Variants in PVRIG observed in about 807,000 individuals in gnomAD.
The protein encoded by PVRIG is PVR related immunoglobulin domain containing, also known as transmembrane protein PVRIG.
In PVRIG, 16 loss-of-function variants were observed where a neutral mutation model predicts 21.9. The ratio of observed to expected loss-of-function variants is 0.73; its 90% CI spans 0.50 to 1.11. PVRIG has a LOEUF of 1.11. Ranked by LOEUF, PVRIG falls within the 50% of genes most tolerant of loss-of-function variation. The pLI is 0.00. For missense variants in PVRIG, 435 were observed against 445.7 expected, an observed-to-expected ratio of 0.98 and a Z score of 0.22; for synonymous variants, 190 against 181.0, an observed-to-expected ratio of 1.05 and a Z score of -0.40.
Position 100,221,274 on chromosome 7 carries a change from C to T in PVRIG, c.*23C>T, listed in dbSNP as rs189224440. ...TGAGAGAGACCATGAGGCCACTGGG[C>T]TTTCCCCCTCCCAGGCCTCCTGGGT... On this transcript the variant is annotated 3_prime_UTR_variant, in exon 6 of 6. Transcript: ENST00000317271. 9 of 1,507,326 alleles carry T rather than the reference C, an allele frequency of 6.0e-6. No individual in the cohort carries two copies. The African/African-American group carries it at 1.1e-4, about 18-fold the overall frequency. The allele number at this position is 1,507,326 out of a possible 1,614,324, so 93.4% of individuals were successfully genotyped here. A position where few individuals can be genotyped will look rare whatever the true frequency, so the allele number is the denominator to read the frequency against.
exon 4 of PVRIG, chr7:100,220,637 T>G (rs760436553): frequency 1.9e-5 from 31 of 1,611,582 alleles, no homozygotes; most frequent in South Asian, 8.8e-5. Context: ...TTTGGCTGTG[T>G]CTACCTCCTT....
At chr7:100,219,437 G>C in intron 1 of PVRIG, 2 of 215,304 alleles carry the variant, frequency 9.3e-6, no homozygotes, top group South Asian at 1.2e-4. Flanking sequence ...TGAGTGGGTA[G>C]TGGGCGAGCC....
intron 1 of PVRIG, chr7:100,219,611 A>G (rs1803067604): frequency 2.0e-6 from 1 of 497,582 alleles, no homozygotes; most frequent in African/African-American, 2.0e-5. Context: ...GAGGGGCGGG[A>G]CAGAGCCCTT....
chr7:100,220,618 G>A (rs770488631), exon 4 of PVRIG: 15 of 1,611,712 alleles, frequency 9.3e-6, no homozygotes, highest in African/African-American at 1.3e-5. Flanking sequence ...GGTCTCAGGA[G>A]TCCTCCTCTT....
At chr7:100,221,425 C>CA in exon 6 of PVRIG, 1 of 496,912 alleles carries the variant, frequency 2.0e-6, no homozygotes, top group Middle Eastern at 3.5e-4. Flanking sequence ...GTGTGAGTGA[C>CA]AGTTACCCCA....
At chr7:100,220,168 TCAC>T in exon 3 of PVRIG, 1 of 1,599,294 alleles carries the variant, frequency 6.3e-7, no homozygotes, top group Non-Finnish European at 8.5e-7. Flanking sequence ...CTCTCGTCCT[TCAC>T]CATCCGTTGT....
chr7:100,221,136 A>C, exon 6 of PVRIG: 1 of 1,613,792 alleles, frequency 6.2e-7, no homozygotes, highest in Non-Finnish European at 8.5e-7. Flanking sequence ...GTCTCTGTTG[A>C]GAATGGACTC....
At chr7:100,221,312 C>T in exon 6 of PVRIG, 1 of 1,335,028 alleles carries the variant, frequency 7.5e-7, no homozygotes, top group East Asian at 2.4e-5. Context: ...CACCCCCTTA[C>T]TTTAATTCTT....
At chr7:100,220,907 G>T (rs368001513) in intron 5 of PVRIG, 21 bp from the exon 5 acceptor site, 2 of 1,580,820 alleles carry the variant, frequency 1.3e-6, no homozygotes, top group African/African-American at 2.7e-5. Context: ...AGACTCACTT[G>T]ACCCTCCTTC....
At chr7:100,221,148 A>T in exon 6 of PVRIG, 1 of 1,613,292 alleles carries the variant, frequency 6.2e-7, no homozygotes, top group Non-Finnish European at 8.5e-7. Flanking sequence ...AATGGACTCT[A>T]CGCTCAGGCA....
chr7:100,220,961 G>A lies in PVRIG; in HGVS notation c.691G>A (p.Val231Ile), dbSNP rs754623070. 2.6e-5 allele frequency: 41 copies of A among 1,586,356 alleles called. No individual in the cohort carries two copies. The highest frequency in any genetic ancestry group is 2.0e-4 in the East Asian group (9 of 44,508). ...CCAGGCCTCCCAGGCTGCTCTTCACGTCCCTTATGCCACTATCAACACCAG... is the reference window on the plus strand; with the variant it reads ...CCAGGCCTCCCAGGCTGCTCTTCACATCCCTTATGCCACTATCAACACCAG... Residue 231 changes from valine (V) to isoleucine (I), a missense_variant, in exon 6 of 6, where the codon GTC (valine) becomes ATC (isoleucine). Coordinates refer to ENST00000317271, the Ensembl canonical transcript of PVRIG.
chr7:100,221,041 G>A lies in PVRIG; in HGVS notation c.771G>A (p.Trp257Ter), dbSNP rs1441861208. 9 of 1,613,280 alleles carry A rather than the reference G, an allele frequency of 5.6e-6. No homozygotes were observed. Among genetic ancestry groups the A allele is most frequent in the Non-Finnish European group, 7.6e-6 (9 of 1,179,648 alleles). Residue 257 changes from tryptophan to a stop codon, truncating the protein, a stop_gained, in exon 6 of 6, where the codon TGG becomes TGA. Transcript: ENST00000317271. LOFTEE classifies it low-confidence loss of function (END_TRUNC). Reference sequence around the variant, plus strand: ...ACCCCCATGGGGGGCCGTCCTGGTGGGCGTCACTCCCCACCCACGCTGCAC... The same window carrying A: ...ACCCCCATGGGGGGCCGTCCTGGTGAGCGTCACTCCCCACCCACGCTGCAC...
intron 5 of PVRIG, 49 bp from the exon 5 acceptor site, chr7:100,220,879 G>A (rs1803195753): frequency 6.3e-7 from 1 of 1,598,088 alleles, no homozygotes; most frequent in Non-Finnish European, 8.5e-7. Context: ...GGGGGCCAGG[G>A]CTGGGCCCAA....
In PVRIG at chr7:100,221,040, G is replaced by A; in HGVS notation, c.770G>A (p.Trp257Ter). Residue 257 changes from tryptophan to a stop codon, truncating the protein, a stop_gained, in exon 6 of 6, where the codon TGG (tryptophan) becomes TAG (stop). Coordinates refer to ENST00000317271, the Ensembl canonical transcript of PVRIG. LOFTEE classifies it low-confidence loss of function (END_TRUNC). The stretch of plus-strand genomic sequence containing the variant: ...CACCCCCATGGGGGGCCGTCCTGGT[G>A]GGCGTCACTCCCCACCCACGCTGCA... 1 of 1,613,460 alleles carries A rather than the reference G, an allele frequency of 6.2e-7. No homozygotes were observed. The highest frequency in any genetic ancestry group is 8.5e-7 in the Non-Finnish European group (1 of 1,179,638).
intron 1 of PVRIG, chr7:100,219,512 A>G (rs1013207270): frequency 1.0e-5 from 3 of 299,470 alleles, no homozygotes; most frequent in Non-Finnish European, 1.9e-5. Context: ...TCAGATTGGT[A>G]GTGGGTCATG....
At chr7:100,219,544 T>C in intron 1 of PVRIG, 1 of 351,098 alleles carries the variant, frequency 2.8e-6, no homozygotes, top group Non-Finnish European at 5.3e-6. Context: ...GGCTCTCAGG[T>C]CCTCCCTGCT....
At position 100,221,161 on chromosome 7, in the gene PVRIG, G is replaced by C. The variant is rs775039427; in HGVS notation, c.891G>C (p.Gly297=). 2.5e-6 allele frequency: 4 copies of C among 1,612,884 alleles called. No individual in the cohort carries two copies. In the South Asian group the frequency reaches 4.4e-5, roughly 18 times the overall value. ...AGAATGGACTCTACGCTCAGGCAGG[G>C]GAGAGGCCTCCTCACACTGGTCCCG... The change falls in exon 6 of 6, where the codon GGG becomes GGC. Residue 297 remains glycine, a synonymous_variant. Transcript: ENST00000317271.
At chr7:100,219,972 T>C in exon 2 of PVRIG, 2 of 1,583,796 alleles carry the variant, frequency 1.3e-6, no homozygotes, top group Non-Finnish European at 1.7e-6. Flanking sequence ...GAGGGGGCCA[T>C]GGGGCACCGG....
In PVRIG at chr7:100,220,925, C is replaced by G; in HGVS notation, c.658-3C>G. On this transcript the variant is annotated splice_polypyrimidine_tract_variant and splice_region_variant and intron_variant, in intron 5 of 5. Transcript: ENST00000317271. The stretch of plus-strand genomic sequence containing the variant: ...CTCACTTGACCCTCCTTCCCCCGCG[C>G]AGGCACCAAGCCAGGCCTCCCAGGC... 2 of 1,576,170 alleles carry G rather than the reference C, an allele frequency of 1.3e-6. No individual in the cohort carries two copies. Among genetic ancestry groups the G allele is most frequent in the South Asian group, 2.3e-5 (2 of 86,514 alleles).
Sources: allele counts gnomAD v4.1 joint callset, GRCh38; gene constraint gnomAD v4.1.1; transcripts MANE v1.5; gene names NCBI Gene and HGNC (gene_info 2026-07-23, HGNC 2026-07-21).